The following CSMD2 variants were observed in gnomAD, a reference collection of about 807,000 sequenced individuals.
CSMD2 encodes CUB and Sushi multiple domains 2.
CSMD2 carries 130 observed loss-of-function variants against 398.5 expected under a neutral mutation model. That is an observed-to-expected ratio of 0.33 (90% confidence interval 0.28 to 0.38). CSMD2 has a LOEUF of 0.38. Among genes scored for constraint, CSMD2 ranks in the 10% least tolerant of loss-of-function variants. CSMD2 has a pLI of 1.00. For synonymous variants in CSMD2, 1,828 were observed against 1,908.5 expected, an observed-to-expected ratio of 0.96 and a Z score of 1.10; for missense variants, 3,829 against 4,764.9, an observed-to-expected ratio of 0.80 and a Z score of 5.78.
chr1:33,544,930 T>C (rs575975796), intron 57 of CSMD2, among the ~76,000 whole-genome samples: 3 of 151,998 alleles, frequency 2.0e-5, no homozygotes, highest in Admixed American at 6.5e-5. Context: ...GCCTGTCAAA[T>C]CTCCAGCTCT....
rs11374822 is a variant in CSMD2 at position 33,590,981 on chromosome 1, C to CTTTTTT, written c.6857-3819_6857-3814dup. Among the ~76,000 whole-genome samples, 115 of 67,152 alleles carry CTTTTTT rather than the reference C, an allele frequency of 1.7e-3. 1 individual carries two copies. The highest frequency in any genetic ancestry group is 2.4e-3 in the South Asian group (3 of 1,258). The allele number at this position is 67,152 out of a possible 152,430, so 44.1% of individuals were successfully genotyped here. On this transcript the variant is annotated intron_variant, in intron 44 of 70. Transcript: ENST00000373381. ...CCTTTCATTTGAAGCTTTTATTTAT[C>CTTTTTT]TTTTTTTTTTTTTTTTTTTTTTTTG...
chr1:33,994,083 C>T (rs1570747787), intron 3 of CSMD2, among the ~76,000 whole-genome samples: 1 of 152,184 alleles, frequency 6.6e-6, no homozygotes. Flanking sequence ...TGAAGGGAGA[C>T]ACTGGAGGGC....
At chr1:33,572,473 C>T (rs759210920) in intron 50 of CSMD2, 33 bp downstream of exon 50, 2 of 1,514,134 alleles carry the variant, frequency 1.3e-6, no homozygotes, top group South Asian at 2.6e-5. Flanking sequence ...CCTAGCCCTT[C>T]CTTACACCCG....
intron 2 of CSMD2, among the ~76,000 whole-genome samples, chr1:34,084,783 G>A (rs1327650044): frequency 6.6e-6 from 1 of 151,812 alleles, no homozygotes; most frequent in African/African-American, 2.4e-5. Context: ...CTGTTGGTGG[G>A]ACTGTAAACT....
chr1:33,679,906 A>G (rs1351120387), intron 25 of CSMD2, among the ~76,000 whole-genome samples: 3 of 143,684 alleles, frequency 2.1e-5, no homozygotes, highest in Non-Finnish European at 4.5e-5. Context: ...ATGTTATTTA[A>G]CCTTGAATTT....
chr1:33,527,132 T>C, intron 65 of CSMD2, 64 bp downstream of exon 65: 3 of 1,433,660 alleles, frequency 2.1e-6, no homozygotes, highest in South Asian at 1.1e-5. Flanking sequence ...ACACGAGTTT[T>C]CTGGCTAACT....
At chr1:34,092,753 G>A (rs1658767143) in intron 1 of CSMD2, among the ~76,000 whole-genome samples, 1 of 152,202 alleles carries the variant, frequency 6.6e-6, no homozygotes, top group African/African-American at 2.4e-5. Flanking sequence ...GGCTCGGAGG[G>A]TCCTACCCCA....
chr1:34,058,721 C>G (rs1316056701), intron 2 of CSMD2, among the ~76,000 whole-genome samples: 1 of 152,206 alleles, frequency 6.6e-6, no homozygotes, highest in Admixed American at 6.5e-5. Context: ...AAACCGCACA[C>G]CTGGCCTTCA....
chr1:33,742,747 A>G (rs960387759), intron 14 of CSMD2, among the ~76,000 whole-genome samples: 1 of 152,176 alleles, frequency 6.6e-6, no homozygotes, highest in Non-Finnish European at 1.5e-5. Context: ...AGTTGTCCCC[A>G]GTAAGTCTGG....
intron 1 of CSMD2, among the ~76,000 whole-genome samples, chr1:34,147,067 C>T (rs1639838057): frequency 6.6e-6 from 1 of 152,116 alleles, no homozygotes. Flanking sequence ...ACCATCCTGG[C>T]TAACATGGTG....
Position 33,819,717 on chromosome 1 carries a change from G to A in CSMD2, c.1320C>T (p.Cys440=), listed in dbSNP as rs778044970. The change falls in exon 9 of 71, where the codon TGC becomes TGT. Residue 440 remains cysteine (C), a synonymous_variant. Coordinates refer to ENST00000373381, the MANE Select transcript of CSMD2 (RefSeq NM_001281956.2). ...CCTTCCCCAGGGCACCCTCACCTCG[G>A]CAGACTGGCCTGTGGTCGCTCCAGG... The part of the protein sequence containing the change: ...FAAWSDHRPV[C]RARMCDAHLR... 1 of 1,613,072 alleles carries A rather than the reference G, an allele frequency of 6.2e-7. No homozygotes were observed. Among genetic ancestry groups the A allele is most frequent in the Non-Finnish European group, 8.5e-7 (1 of 1,179,836 alleles).
chr1:33,656,025 TCA>T (rs148388707), intron 27 of CSMD2, among the ~76,000 whole-genome samples: 1,586 of 152,228 alleles, frequency 0.01, 26 homozygotes, highest in African/African-American at 0.036. Flanking sequence ...GGAAGGAGCC[TCA>T]GAGGTTCCCA....
At chr1:33,697,517 T>C (rs1481131103) in intron 24 of CSMD2, among the ~76,000 whole-genome samples, 1 of 152,136 alleles carries the variant, frequency 6.6e-6, no homozygotes, top group African/African-American at 2.4e-5. Context: ...CCTGTGAAAA[T>C]GTAGTCGTCT....
At chr1:33,843,022 C>T (rs1661010358) in intron 6 of CSMD2, among the ~76,000 whole-genome samples, 1 of 152,216 alleles carries the variant, frequency 6.6e-6, no homozygotes. Flanking sequence ...TTAAATCCTT[C>T]TGGCAAAACT....
At chr1:33,861,147 A>T (rs1215238987) in intron 5 of CSMD2, 2 of 152,224 alleles carry the variant, frequency 1.3e-5, no homozygotes, top group African/African-American at 4.8e-5. Context: ...CATTATATAA[A>T]TATTAAGTAT....
chr1:33,544,572 A>G (rs1656692472), intron 57 of CSMD2, among the ~76,000 whole-genome samples: 1 of 152,080 alleles, frequency 6.6e-6, no homozygotes, highest in Non-Finnish European at 1.5e-5. Context: ...TTAGAGTTAG[A>G]GCTGTGAAAA....
At chr1:33,742,581 C>CCA (rs1647110490) in intron 14 of CSMD2, among the ~76,000 whole-genome samples, 2 of 109,488 alleles carry the variant, frequency 1.8e-5, no homozygotes, top group South Asian at 2.9e-4. Flanking sequence ...GCTTCTGCCC[C>CCA]CCCCCCCCCA....
chr1:33,687,240 T>C (rs982090269), intron 25 of CSMD2, among the ~76,000 whole-genome samples: 2 of 152,144 alleles, frequency 1.3e-5, no homozygotes, highest in East Asian at 3.9e-4. Context: ...CAAAATGCAG[T>C]TGACACAGGG....
Position 33,569,523 on chromosome 1 carries a change from A to G in CSMD2, c.7982T>C (p.Ile2661Thr), listed in dbSNP as rs1557550608. The change falls in exon 52 of 71, where the codon ATT (isoleucine) becomes ACT (threonine). Residue 2661 changes from isoleucine to threonine, a missense_variant. Coordinates refer to ENST00000373381, the MANE Select transcript of CSMD2 (RefSeq NM_001281956.2). ...TCCGATGCGGTGGCCATTGGGGGGAATCGGGAGCTCTCCACAGGAGATGAC... is the reference window on the plus strand; with the variant it reads ...TCCGATGCGGTGGCCATTGGGGGGAGTCGGGAGCTCTCCACAGGAGATGAC... ...CRIISCGELPIPPNGHRIGTL... is the reference protein window; with the variant it reads ...CRIISCGELPTPPNGHRIGTL... 2 of 1,614,140 alleles carry G rather than the reference A, an allele frequency of 1.2e-6. No homozygotes were observed. The highest frequency in any genetic ancestry group is 1.3e-5 in the African/African-American group (1 of 75,048).
Sources: allele counts gnomAD v4.1 joint callset (sites outside exome capture counted in the v4.1 genomes callset), GRCh38; gene constraint gnomAD v4.1.1; transcripts MANE v1.5; gene names NCBI Gene and HGNC (gene_info 2026-07-23, HGNC 2026-07-21).